Variants in LRBA observed in about 807,000 individuals in gnomAD.
LRBA encodes the protein LPS responsive beige-like anchor protein.
Under a neutral mutation model 330.0 loss-of-function variants are expected in LRBA, and 176 were observed. That is an observed-to-expected ratio of 0.53 (90% CI 0.47 to 0.60). LRBA has a LOEUF of 0.60. Ranked by LOEUF, LRBA falls within the 20% of genes least tolerant of loss-of-function variation. The probability of loss-of-function intolerance (pLI) is 0.00; values close to 1 mark genes in which losing one functional copy is unlikely to be tolerated. For missense variants in LRBA, 3,259 were observed against 3,444.8 expected, an observed-to-expected ratio of 0.95 and a Z score of 1.35; for synonymous variants, 1,230 against 1,193.0, an observed-to-expected ratio of 1.03 and a Z score of -0.64.
intron 17 of LRBA, among the ~76,000 whole-genome samples, chr4:150,886,904 C>A (rs1728998041): frequency 6.6e-6 from 1 of 152,112 alleles, no homozygotes; most frequent in East Asian, 1.9e-4. Context: ...AAATGTTGGA[C>A]TTATCACACA....
chr4:150,885,118 G>A (rs1728804189), intron 17 of LRBA, among the ~76,000 whole-genome samples: 1 of 132,822 alleles, frequency 7.5e-6, no homozygotes, highest in African/African-American at 2.9e-5. Flanking sequence ...AAAAAACAGA[G>A]AAAAAAATGG....
At chr4:150,419,939 T>C (rs1184183066) in intron 46 of LRBA, among the ~76,000 whole-genome samples, 3 of 148,240 alleles carry the variant, frequency 2.0e-5, no homozygotes, top group African/African-American at 7.4e-5. Flanking sequence ...AGCCCAGCCA[T>C]GATAATATAT....
At chr4:150,621,881 C>T (rs1158114661) in intron 37 of LRBA, among the ~76,000 whole-genome samples, 2 of 152,148 alleles carry the variant, frequency 1.3e-5, no homozygotes, top group Non-Finnish European at 2.9e-5. Context: ...ATGCTGTATG[C>T]ACCCTTTTGA....
At chr4:150,851,561 T>C (rs925943717) in intron 23 of LRBA, among the ~76,000 whole-genome samples, 1 of 152,254 alleles carries the variant, frequency 6.6e-6, no homozygotes, top group African/African-American at 2.4e-5. Context: ...ACTAATGTAC[T>C]AGGATTGGGT....
At chr4:150,691,306 T>G (rs953097086) in intron 36 of LRBA, among the ~76,000 whole-genome samples, 4 of 152,084 alleles carry the variant, frequency 2.6e-5, no homozygotes, top group African/African-American at 9.7e-5. Flanking sequence ...TTAACATACA[T>G]CTAAATGACA....
chr4:150,702,918 G>C (rs1371269641), intron 36 of LRBA, among the ~76,000 whole-genome samples: 1 of 152,174 alleles, frequency 6.6e-6, no homozygotes, highest in African/African-American at 2.4e-5. Context: ...CCAACACTTT[G>C]GGAGGCCAAG....
intron 33 of LRBA, among the ~76,000 whole-genome samples, chr4:150,800,656 T>C (rs189613615): frequency 2.6e-5 from 4 of 152,264 alleles, no homozygotes; most frequent in Admixed American, 6.5e-5. Context: ...TTTCATTTTA[T>C]ACACCCACAA....
At chr4:150,720,932 T>A (rs1728851294) in intron 36 of LRBA, 1 of 399,744 alleles carries the variant, frequency 2.5e-6, no homozygotes, top group Non-Finnish European at 4.9e-6. Flanking sequence ...TGCAAAGTTC[T>A]AAGGGAATTT....
intron 35 of LRBA, among the ~76,000 whole-genome samples, chr4:150,739,205 T>C (rs528373837): frequency 3.3e-5 from 5 of 152,294 alleles, no homozygotes; most frequent in African/African-American, 1.2e-4. Flanking sequence ...GATTCTAAAT[T>C]TGTATGCTCT....
rs769888922 is a variant in LRBA, at chr4:150,871,476, C to A, written c.2259-23G>T. ...CTCCTGCAATTACACAAAAAGAAATCATCAAATGTAGAGCTTTTCTGTGCT... is the reference window on the plus strand; with the variant it reads ...CTCCTGCAATTACACAAAAAGAAATAATCAAATGTAGAGCTTTTCTGTGCT... On this transcript the variant is annotated intron_variant, in intron 18 of 56. Coordinates refer to ENST00000651943, the MANE Select transcript of LRBA (RefSeq NM_001364905.1). 6 of 1,418,418 alleles carry A rather than the reference C, an allele frequency of 4.2e-6. No homozygotes were observed. The South Asian group carries it at 6.9e-5, about 16-fold the overall frequency. 87.9% of individuals were successfully genotyped at this position (1,418,418 alleles called of 1,614,324 possible).
At chr4:150,445,367 CTCTCTCTCTCTA>C (rs1398396448) in intron 44 of LRBA, among the ~76,000 whole-genome samples, 2 of 83,584 alleles carry the variant, frequency 2.4e-5, no homozygotes, top group African/African-American at 9.1e-5. Context: ...CTCTCTCTCT[CTCTCTCTCTCTA>C]TATATATATA....
intron 32 of LRBA, 110 bp from the exon 33 acceptor site, chr4:150,806,514 T>A: frequency 1.7e-6 from 1 of 601,416 alleles, no homozygotes; most frequent in Non-Finnish European, 2.4e-6. Context: ...TTAAAAAAAT[T>A]AAAAATCACC....
intron 37 of LRBA, among the ~76,000 whole-genome samples, chr4:150,662,587 G>A (rs1032844652): frequency 6.6e-6 from 1 of 152,220 alleles, no homozygotes; most frequent in Non-Finnish European, 1.5e-5. Context: ...CAAAGGTGAA[G>A]AAGTTTGAAA....
intron 53 of LRBA, among the ~76,000 whole-genome samples, chr4:150,297,358 C>A (rs552310611): frequency 3.0e-4 from 45 of 152,300 alleles, no homozygotes; most frequent in African/African-American, 1.0e-3. Context: ...TTTGCTGGAA[C>A]TTGAGGGCCT....
At chr4:150,369,817 T>G (rs1395424338) in intron 47 of LRBA, among the ~76,000 whole-genome samples, 1 of 152,196 alleles carries the variant, frequency 6.6e-6, no homozygotes, top group East Asian at 1.9e-4. Flanking sequence ...CATATAGTAC[T>G]GTCCTCCATG....
At chr4:150,389,057 A>C (rs1416735230) in intron 47 of LRBA, among the ~76,000 whole-genome samples, 2 of 152,236 alleles carry the variant, frequency 1.3e-5, no homozygotes, top group African/African-American at 2.4e-5. Context: ...TGGTTCAAGA[A>C]GAATAACAAG....
intron 26 of LRBA, among the ~76,000 whole-genome samples, chr4:150,847,443 T>G (rs1418543878): frequency 2.0e-5 from 3 of 152,180 alleles, no homozygotes; most frequent in East Asian, 3.8e-4. Flanking sequence ...ATACTTTGAA[T>G]AGCATTTTGA....
chr4:150,909,126 G>A (rs1206776169), intron 9 of LRBA, among the ~76,000 whole-genome samples: 1 of 151,912 alleles, frequency 6.6e-6, no homozygotes, highest in Non-Finnish European at 1.5e-5. Flanking sequence ...TTTTAAAATT[G>A]TGATCAAAAG....
At chr4:150,715,655 A>G (rs1728090727) in intron 36 of LRBA, among the ~76,000 whole-genome samples, 3 of 152,214 alleles carry the variant, frequency 2.0e-5, no homozygotes, top group Non-Finnish European at 4.4e-5. Flanking sequence ...CACAATTGCC[A>G]AGTGTTAGTG....
Sources: gnomAD v4.1 joint callset for allele counts (sites outside exome capture counted in the v4.1 genomes callset) on GRCh38, gnomAD v4.1.1 for gene constraint, MANE v1.5 for transcripts, NCBI Gene and HGNC (gene_info 2026-07-23, HGNC 2026-07-21) for gene names.